LAPTM4A: variants seen among roughly 807,000 people sequenced by gnomAD.
The protein encoded by LAPTM4A is lysosomal-associated transmembrane protein 4A.
LAPTM4A carries 19 observed loss-of-function variants against 29.9 expected under a neutral mutation model. The observed-to-expected ratio is 0.64, with a 90% CI of 0.44 to 0.93. LAPTM4A has a LOEUF of 0.93. Ranked by LOEUF, LAPTM4A falls within the 40% of genes least tolerant of loss-of-function variation. LAPTM4A has a pLI of 0.00. For synonymous variants in LAPTM4A, 105 were observed against 102.1 expected (o/e 1.03, Z -0.17); for missense variants, 293 against 288.5 (o/e 1.02, Z -0.11).
At chr2:20,044,077 A>G (rs562328233) in intron 1 of LAPTM4A, among the ~76,000 whole-genome samples, 3 of 152,338 alleles carry the variant, frequency 2.0e-5, no homozygotes, top group Non-Finnish European at 2.9e-5. Flanking sequence ...GCAAGGCATG[A>G]TATCTTTCAA....
chr2:20,040,348 T>C (rs1673767921), intron 2 of LAPTM4A, among the ~76,000 whole-genome samples: 1 of 152,246 alleles, frequency 6.6e-6, no homozygotes, highest in African/African-American at 2.4e-5. Context: ...TAATCCTCAC[T>C]GAATCTCTCT....
rs751221689 is a variant in LAPTM4A at position 20,035,031 on chromosome 2, G to GC, written c.463dup (p.Ala155GlyfsTer22). The GC allele has an allele frequency of 1.2e-6, 2 of 1,612,900 alleles. No homozygotes were observed. The highest frequency in any genetic ancestry group is 2.2e-5 in the South Asian group (2 of 90,964). On this transcript the variant is annotated frameshift_variant, in exon 5 of 7. Coordinates refer to ENST00000175091, the MANE Select transcript of LAPTM4A (RefSeq NM_014713.5). LOFTEE classifies it high-confidence loss of function. The stretch of plus-strand genomic sequence containing the variant: ...GAACAGGAGGCAGCTGGAGTCCAAG[G>GC]CCAGGAGGTCATCTTTGTAGGGAAA...
At chr2:20,037,852 C>T (rs1673713585) in intron 2 of LAPTM4A, among the ~76,000 whole-genome samples, 1 of 151,940 alleles carries the variant, frequency 6.6e-6, no homozygotes, top group South Asian at 2.1e-4. Context: ...GACTCACTGA[C>T]ATGGGTGTAG....
At chr2:20,051,287 TAA>T in intron 1 of LAPTM4A, 121 bp downstream of exon 1, 1 of 709,872 alleles carries the variant, frequency 1.4e-6, no homozygotes, top group Non-Finnish European at 2.5e-6. Flanking sequence ...TGGCGCGCCT[TAA>T]AAAGCAGCGC....
chr2:20,035,313 CTT>C (rs1673657645), intron 4 of LAPTM4A: 1 of 426,918 alleles, frequency 2.3e-6, no homozygotes, highest in Admixed American at 3.7e-5. Context: ...CTCGTTTTCT[CTT>C]TACTTTTCAC....
At chr2:20,048,637 A>T (rs1217171847) in intron 1 of LAPTM4A, among the ~76,000 whole-genome samples, 1 of 152,252 alleles carries the variant, frequency 6.6e-6, no homozygotes, top group Non-Finnish European at 1.5e-5. Context: ...AGGGGGAATC[A>T]TCATCTCAGA....
chr2:20,047,351 G>GC (rs1673949059), intron 1 of LAPTM4A, among the ~76,000 whole-genome samples: 1 of 146,460 alleles, frequency 6.8e-6, no homozygotes, highest in African/African-American at 2.5e-5. Context: ...TCGCACCACT[G>GC]CACTCCAGCC....
At position 20,034,958 on chromosome 2, in the gene LAPTM4A, GC is replaced by G; in HGVS notation, c.528+8del. On this transcript the variant is annotated splice_region_variant and intron_variant, in intron 5 of 6. Coordinates refer to ENST00000175091, the MANE Select transcript of LAPTM4A (RefSeq NM_014713.5). ...TCAGTCACCCCTAAAGATTTAGTCA[GC>G]AACGTACCTTAAAAATGATGAATAA... The G allele has an allele frequency of 6.3e-7, 1 of 1,597,904 alleles. No homozygotes were observed. Among genetic ancestry groups the G allele is most frequent in the Non-Finnish European group, 8.6e-7 (1 of 1,167,892 alleles).
intron 2 of LAPTM4A, 37 bp downstream of exon 2, chr2:20,040,854 C>G: frequency 6.3e-7 from 1 of 1,593,086 alleles, no homozygotes. Context: ...TAAAAATTAG[C>G]AGGGGAGATT....
At chr2:20,037,258 A>G in intron 4 of LAPTM4A, 58 bp downstream of exon 4, 1 of 1,399,842 alleles carries the variant, frequency 7.1e-7, no homozygotes, top group Non-Finnish European at 9.8e-7. Context: ...CAGAATTTAA[A>G]TGTAAACATT....
chr2:20,047,696 CAAA>C (rs61601787), intron 1 of LAPTM4A, among the ~76,000 whole-genome samples: 4 of 76,700 alleles, frequency 5.2e-5, no homozygotes, highest in Admixed American at 1.4e-4. Context: ...GACTCCGTCT[CAAA>C]AAAAAAAAAA....
At chr2:20,041,880 T>C (rs1572398647) in intron 1 of LAPTM4A, among the ~76,000 whole-genome samples, 1 of 152,130 alleles carries the variant, frequency 6.6e-6, no homozygotes, top group African/African-American at 2.4e-5. Context: ...TCTAAATAAG[T>C]GCTCCAATAC....
chr2:20,047,325 T>G (rs535291877), intron 1 of LAPTM4A, among the ~76,000 whole-genome samples: 29 of 146,810 alleles, frequency 2.0e-4, no homozygotes, highest in African/African-American at 7.3e-4. Context: ...GAGGCGGAGG[T>G]TGCAGTGAGC....
intron 1 of LAPTM4A, among the ~76,000 whole-genome samples, chr2:20,044,530 G>T (rs773818591): frequency 6.6e-6 from 1 of 152,196 alleles, no homozygotes; most frequent in Non-Finnish European, 1.5e-5. Flanking sequence ...TTGGGAGGCT[G>T]AGGTGGGAAG....
intron 2 of LAPTM4A, 115 bp from the exon 3 acceptor site, chr2:20,037,729 A>G: frequency 1.5e-6 from 1 of 673,514 alleles, no homozygotes; most frequent in East Asian, 2.8e-5. Context: ...ATTGGCTATA[A>G]AAAGATCTAA....
chr2:20,034,031 G>A (rs1302362375), intron 6 of LAPTM4A, among the ~76,000 whole-genome samples: 1 of 152,138 alleles, frequency 6.6e-6, no homozygotes, highest in Non-Finnish European at 1.5e-5. Context: ...GGCTACATGG[G>A]CCTAACACAG....
At chr2:20,040,477 T>C (rs1281794023) in intron 2 of LAPTM4A, among the ~76,000 whole-genome samples, 3 of 152,250 alleles carry the variant, frequency 2.0e-5, no homozygotes. Context: ...CATAATCTAA[T>C]CAATCCCCTA....
intron 1 of LAPTM4A, among the ~76,000 whole-genome samples, chr2:20,045,709 C>G (rs879715399): frequency 5.9e-5 from 9 of 152,116 alleles, no homozygotes; most frequent in Non-Finnish European, 1.0e-4. Context: ...TGTATCAGAT[C>G]CATGGAAGCA....
chr2:20,039,476 G>A (rs1673747458), intron 2 of LAPTM4A, among the ~76,000 whole-genome samples: 1 of 152,186 alleles, frequency 6.6e-6, no homozygotes, highest in Admixed American at 6.5e-5. Flanking sequence ...GCTATGGGCT[G>A]GGCACAGTGG....
Sources: gnomAD v4.1 joint callset for allele counts (sites outside exome capture counted in the v4.1 genomes callset) on GRCh38, gnomAD v4.1.1 for gene constraint, MANE v1.5 for transcripts, NCBI Gene and HGNC (gene_info 2026-07-23, HGNC 2026-07-21) for gene names.